CLVS1: variants seen among roughly 807,000 people sequenced by gnomAD.
CLVS1 encodes clavesin-1.
A neutral mutation model predicts 33.1 loss-of-function variants in CLVS1; 10 were observed. The observed-to-expected ratio is 0.30, with a 90% confidence interval of 0.19 to 0.51. CLVS1 has a LOEUF of 0.51. Ranked by LOEUF, CLVS1 falls within the 20% of genes least tolerant of loss-of-function variation. The pLI, the probability that CLVS1 is intolerant of heterozygous loss-of-function variation, is 0.97. For synonymous variants in CLVS1, 163 were observed against 166.1 expected, an observed-to-expected ratio of 0.98 and a Z score of 0.14; for missense variants, 343 against 433.4, an observed-to-expected ratio of 0.79 and a Z score of 1.85.
chr8:61,356,667 A>G (rs1013800607), intron 2 of CLVS1, among the ~76,000 whole-genome samples: 7 of 152,188 alleles, frequency 4.6e-5, no homozygotes, highest in Admixed American at 3.9e-4. Context: ...TTTATTAAAT[A>G]GGGAATCCTT....
At chr8:60,975,058 T>C in the CLVS1 span, among the ~76,000 whole-genome samples, 1 of 152,090 alleles carries the variant, frequency 6.6e-6, no homozygotes, top group African/African-American at 2.4e-5. Context: ...CCATGGATCA[T>C]AGGGTAATGG....
Position 61,300,295 on chromosome 8 carries a change from A to G in CLVS1, c.455+13A>G. On this transcript the variant is annotated intron_variant, in intron 2 of 5. Coordinates refer to ENST00000325897, the MANE Select transcript of CLVS1 (RefSeq NM_173519.3). ...GGGATCAGAGTAGGTAAATGTAGAT[A>G]GTGTCTTTACTTGGTTTTTCTTTGC... The G allele has an allele frequency of 1.3e-6, 2 of 1,599,934 alleles. No individual in the cohort carries two copies. The highest frequency in any genetic ancestry group is 1.7e-6 in the Non-Finnish European group (2 of 1,172,406).
intron 3 of CLVS1, among the ~76,000 whole-genome samples, chr8:61,382,139 A>G (rs1351310104): frequency 6.6e-6 from 1 of 152,240 alleles, no homozygotes; most frequent in Non-Finnish European, 1.5e-5. Flanking sequence ...TCAAAAGATT[A>G]GAACGATGAA....
chr8:61,202,897 G>A, intron 2 of CLVS1: 1 of 1,029,966 alleles, frequency 9.7e-7, no homozygotes, highest in South Asian at 1.3e-5. Flanking sequence ...TTTTAATGAG[G>A]AAGCTGAAGA....
chr8:61,318,723 C>A (rs1473354528), intron 2 of CLVS1, among the ~76,000 whole-genome samples: 2 of 152,094 alleles, frequency 1.3e-5, no homozygotes, highest in African/African-American at 4.8e-5. Flanking sequence ...TCTCCCAGTT[C>A]TGTACTCCAG....
the CLVS1 span, among the ~76,000 whole-genome samples, chr8:61,017,048 G>A: frequency 6.6e-6 from 1 of 152,210 alleles, no homozygotes; most frequent in African/African-American, 2.4e-5. Flanking sequence ...CAGCCGGTAA[G>A]GTACCACACA....
At chr8:61,432,150 A>G (rs1037311241) in intron 3 of CLVS1, among the ~76,000 whole-genome samples, 3 of 152,236 alleles carry the variant, frequency 2.0e-5, no homozygotes, top group African/African-American at 7.2e-5. Flanking sequence ...TATATAAAGC[A>G]TGAGACAACC....
chr8:61,183,150 G>A (rs915603049), intron 2 of CLVS1, among the ~76,000 whole-genome samples: 1 of 122,032 alleles, frequency 8.2e-6, no homozygotes, highest in African/African-American at 2.6e-5. Flanking sequence ...CTGTGGGCAG[G>A]GCGGAGGGGG....
At chr8:61,419,140 T>C (rs1052541179) in intron 3 of CLVS1, among the ~76,000 whole-genome samples, 4 of 152,190 alleles carry the variant, frequency 2.6e-5, no homozygotes, top group African/African-American at 9.6e-5. Context: ...GTCTCATGTC[T>C]GTAATCCCAG....
intron 1 of CLVS1, among the ~76,000 whole-genome samples, chr8:61,102,353 G>T (rs1805465338): frequency 6.6e-6 from 1 of 151,818 alleles, no homozygotes; most frequent in African/African-American, 2.4e-5. Context: ...TTTTATTATT[G>T]TTTATGCAAT....
intron 5 of CLVS1, among the ~76,000 whole-genome samples, chr8:61,495,595 A>G (rs372993205): frequency 3.3e-5 from 5 of 152,202 alleles, no homozygotes; most frequent in African/African-American, 1.2e-4. Flanking sequence ...AACATGAGGC[A>G]AATTCAAGAA....
chr8:61,078,593 G>A (rs544685450), intron 1 of CLVS1, among the ~76,000 whole-genome samples: 4 of 152,286 alleles, frequency 2.6e-5, no homozygotes, highest in African/African-American at 9.6e-5. Context: ...AATTCATTCT[G>A]AAACGGATTG....
intron 1 of CLVS1, among the ~76,000 whole-genome samples, chr8:61,074,622 C>T (rs13278506): frequency 0.49 from 73,613 of 151,406 alleles, 21,624 homozygotes; most frequent in African/African-American, 0.82. Flanking sequence ...TGATCTGATC[C>T]TGACCTGGAT....
chr8:61,412,584 C>T (rs1815270261), intron 3 of CLVS1, among the ~76,000 whole-genome samples: 1 of 152,218 alleles, frequency 6.6e-6, no homozygotes, highest in Non-Finnish European at 1.5e-5. Flanking sequence ...GCACAGCTCA[C>T]GTGCTCTCAG....
intron 3 of CLVS1, among the ~76,000 whole-genome samples, chr8:61,439,195 C>T (rs771333425): frequency 6.6e-6 from 1 of 152,170 alleles, no homozygotes; most frequent in Non-Finnish European, 1.5e-5. Flanking sequence ...GCATCGATTT[C>T]CTCTGCAAAT....
intron 1 of CLVS1, among the ~76,000 whole-genome samples, chr8:61,099,632 A>G (rs2129286208): frequency 6.6e-6 from 1 of 152,252 alleles, no homozygotes; most frequent in African/African-American, 2.4e-5. Flanking sequence ...TCTCTGAAAG[A>G]CTACATAGAG....
intron 2 of CLVS1, among the ~76,000 whole-genome samples, chr8:61,281,196 A>G (rs139066876): frequency 1.3e-5 from 2 of 152,332 alleles, no homozygotes; most frequent in Admixed American, 6.5e-5. Flanking sequence ...AGTCTTCATC[A>G]GTTGTTAAGC....
intron 3 of CLVS1, among the ~76,000 whole-genome samples, chr8:61,399,074 G>T (rs1814648127): frequency 6.6e-6 from 1 of 152,150 alleles, no homozygotes; most frequent in Admixed American, 6.5e-5. Context: ...CCCAGTAAAA[G>T]AATTACTGGA....
At chr8:61,081,770 A>T (rs1416211624) in intron 1 of CLVS1, among the ~76,000 whole-genome samples, 1 of 152,222 alleles carries the variant, frequency 6.6e-6, no homozygotes, top group Non-Finnish European at 1.5e-5. Context: ...GGGTCATAGG[A>T]CAAACCATTT....
Sources: allele counts gnomAD v4.1 joint callset (sites outside exome capture counted in the v4.1 genomes callset), GRCh38; gene constraint gnomAD v4.1.1; transcripts MANE v1.5; gene names NCBI Gene and HGNC (gene_info 2026-07-23, HGNC 2026-07-21).